NUTF2: variants seen among roughly 807,000 people sequenced by gnomAD.
NUTF2 encodes placental protein 15.
NUTF2 carries 3 observed loss-of-function variants against 18.5 expected under a neutral mutation model. The observed-to-expected ratio is 0.16, with a 90% CI of 0.07 to 0.42. The LOEUF (loss-of-function observed/expected upper bound fraction) is 0.42. Among genes scored for constraint, NUTF2 ranks in the 10% least tolerant of loss-of-function variants. NUTF2 has a pLI of 0.99. For synonymous variants in NUTF2, 51 were observed against 57.9 expected (o/e 0.88, Z 0.54); for missense variants, 44 against 160.7 (o/e 0.27, Z 3.93).
intron 1 of NUTF2, among the ~76,000 whole-genome samples, chr16:67,850,952 C>T (rs1172250494): frequency 6.6e-6 from 1 of 151,986 alleles, no homozygotes; most frequent in Non-Finnish European, 1.5e-5. Flanking sequence ...AGGTGCCCAC[C>T]ACCACACCCA....
In NUTF2 at chr16:67,871,038, T is replaced by C. The variant is rs1184930908; in HGVS notation, c.*125T>C. On this transcript the variant is annotated 3_prime_UTR_variant, in exon 5 of 5. Coordinates refer to ENST00000219169, the MANE Select transcript of NUTF2 (RefSeq NM_005796.3). ...AGGGCCGCGGTGGGAGTGGGCGCAG[T>C]GCGCTGCTGCCACTGAGGTGTTGTG... 6.0e-6 allele frequency: 4 copies of C among 666,996 alleles called. No homozygotes were observed. Among genetic ancestry groups the C allele is most frequent in the East Asian group, 2.7e-5 (1 of 36,628 alleles). The allele number at this position is 666,996 out of a possible 1,614,324, so 41.3% of individuals were successfully genotyped here.
chr16:67,857,748 G>A (rs918809073), intron 1 of NUTF2, among the ~76,000 whole-genome samples: 2 of 152,256 alleles, frequency 1.3e-5, no homozygotes, highest in Admixed American at 6.5e-5. Flanking sequence ...TTTAGCCACA[G>A]CTGTCTCTCA....
intron 1 of NUTF2, among the ~76,000 whole-genome samples, chr16:67,854,851 A>T (rs970163221): frequency 1.3e-5 from 2 of 152,076 alleles, no homozygotes; most frequent in African/African-American, 4.8e-5. Context: ...GGGAGGCAAG[A>T]GAATTGCTTG....
At chr16:67,868,086 C>T (rs2057986586) in intron 2 of NUTF2, among the ~76,000 whole-genome samples, 1 of 152,192 alleles carries the variant, frequency 6.6e-6, no homozygotes, top group Non-Finnish European at 1.5e-5. Context: ...ATATCAGAGA[C>T]CATATGACTT....
At chr16:67,859,703 C>G (rs1365547920) in intron 1 of NUTF2, among the ~76,000 whole-genome samples, 1 of 151,588 alleles carries the variant, frequency 6.6e-6, no homozygotes, top group African/African-American at 2.4e-5. Flanking sequence ...CATGTTGTGC[C>G]CAGGCTGGTC....
chr16:67,855,981 TG>T, intron 1 of NUTF2: 1 of 1,225,688 alleles, frequency 8.2e-7, no homozygotes, highest in Non-Finnish European at 1.2e-6. Flanking sequence ...TGCTTCTTGG[TG>T]CCAGCGGCCT....
At position 67,868,546 on chromosome 16, in the gene NUTF2, C is replaced by T; in HGVS notation, c.217C>T (p.His73Tyr). 6.2e-7 allele frequency: 1 copy of T among 1,614,064 alleles called. No homozygotes were observed. The change falls in exon 4 of 5, where the codon CAT becomes TAT. Residue 73 changes from histidine to tyrosine, a missense_variant. By Grantham distance (83) the His-to-Tyr change is moderately conservative. Coordinates refer to ENST00000219169, the MANE Select transcript of NUTF2 (RefSeq NM_005796.3). ...KIQHSITAQDHQPTPDSCIIS... is the reference protein window; with the variant it reads ...KIQHSITAQDYQPTPDSCIIS... Reference sequence around the variant, plus strand: ...TCAGCACAGCATCACCGCGCAGGACCATCAGCCCACTCCAGATAGCTGCAT... The same window carrying T: ...TCAGCACAGCATCACCGCGCAGGACTATCAGCCCACTCCAGATAGCTGCAT...
In NUTF2 at chr16:67,870,986, T is replaced by A; in HGVS notation, c.*73T>A. On this transcript the variant is annotated 3_prime_UTR_variant, in exon 5 of 5. Coordinates refer to ENST00000219169, the MANE Select transcript of NUTF2 (RefSeq NM_005796.3). Reference sequence around the variant, plus strand: ...CCAATACTATTCCCACTCCTCCAGATGCTCCAAATATCATGCACAAATGAG... The same window carrying A: ...CCAATACTATTCCCACTCCTCCAGAAGCTCCAAATATCATGCACAAATGAG... 1 of 1,135,036 alleles carries A rather than the reference T, an allele frequency of 8.8e-7. No individual in the cohort carries two copies. The highest frequency in any genetic ancestry group is 1.3e-6 in the Non-Finnish European group (1 of 750,324). 70.3% of individuals were successfully genotyped at this position (1,135,036 alleles called of 1,614,324 possible).
chr16:67,850,290 C>T (rs977727862), intron 1 of NUTF2, among the ~76,000 whole-genome samples: 6 of 151,364 alleles, frequency 4.0e-5, no homozygotes, highest in Admixed American at 1.3e-4. Flanking sequence ...CTGCAAGCTC[C>T]GCCTCCCGGG....
chr16:67,865,541 C>T (rs1371764672), intron 2 of NUTF2, among the ~76,000 whole-genome samples: 11 of 152,136 alleles, frequency 7.2e-5, no homozygotes, highest in Admixed American at 5.9e-4. Context: ...TCATGGTGCC[C>T]TCTGGAGGCA....
chr16:67,863,869 C>A (rs1567383632), intron 1 of NUTF2, among the ~76,000 whole-genome samples: 1 of 152,202 alleles, frequency 6.6e-6, no homozygotes, highest in Non-Finnish European at 1.5e-5. Flanking sequence ...GCGGCTCTCC[C>A]ATCTGGGGCT....
chr16:67,866,837 A>C (rs550791829), intron 2 of NUTF2, among the ~76,000 whole-genome samples: 6 of 152,214 alleles, frequency 3.9e-5, no homozygotes, highest in African/African-American at 1.4e-4. Context: ...CCAACTCCTG[A>C]CCTCAGGTGA....
chr16:67,868,218 G>T, intron 2 of NUTF2, 122 bp from the exon 3 acceptor site: 1 of 782,006 alleles, frequency 1.3e-6, no homozygotes, highest in Non-Finnish European at 2.1e-6. Context: ...TCCTTCTTTA[G>T]ACAGGGAAAC....
chr16:67,870,893 G>T lies in NUTF2; in HGVS notation c.364G>T (p.Ala122Ser). 1 of 1,613,662 alleles carries T rather than the reference G, an allele frequency of 6.2e-7. No homozygotes were observed. Among genetic ancestry groups the T allele is most frequent in the Admixed American group, 1.7e-5 (1 of 60,010 alleles). ...WVCTNDMFRL[A>S]LHNFG is the part of the protein sequence containing the mutation. ...TTGCACCAATGACATGTTCAGGCTC[G>T]CCCTGCACAACTTTGGCTGACCTCC... The change falls in exon 5 of 5, where the codon GCC becomes TCC. Residue 122 changes from alanine (A) to serine (S), a missense_variant. Ala to Ser is a moderately conservative substitution (Grantham distance 99, BLOSUM62 1). Transcript: ENST00000219169.
intron 1 of NUTF2, among the ~76,000 whole-genome samples, chr16:67,848,310 C>T (rs1327646412): frequency 1.3e-5 from 2 of 152,134 alleles, no homozygotes; most frequent in East Asian, 3.8e-4. Flanking sequence ...AGGCCTGGCG[C>T]GGTGGCTCAC....
chr16:67,861,942 G>A (rs1474279788), intron 1 of NUTF2, among the ~76,000 whole-genome samples: 1 of 152,056 alleles, frequency 6.6e-6, no homozygotes, highest in Non-Finnish European at 1.5e-5. Context: ...GTTGCCTCCC[G>A]TGGGAAGGGT....
rs1342489897 is a variant in NUTF2, at chr16:67,870,948, C to G, written c.*35C>G. ...AGCTAGGCACTCACGCTGTTTCCTC[C>G]TCCCTCCTCTTCCCAATACTATTCC... On this transcript the variant is annotated 3_prime_UTR_variant, in exon 5 of 5. Coordinates refer to ENST00000219169, the MANE Select transcript of NUTF2 (RefSeq NM_005796.3). 1 of 1,427,788 alleles carries G rather than the reference C, an allele frequency of 7.0e-7. No homozygotes were observed. The highest frequency in any genetic ancestry group is 2.3e-5 in the East Asian group (1 of 43,982). 88.4% of individuals were successfully genotyped at this position (1,427,788 alleles called of 1,614,324 possible).
At chr16:67,855,766 C>T (rs1273670595) in intron 1 of NUTF2, among the ~76,000 whole-genome samples, 1 of 151,544 alleles carries the variant, frequency 6.6e-6, no homozygotes, top group African/African-American at 2.4e-5. Flanking sequence ...AGGTGTAAAG[C>T]TGCTTTGACC....
intron 1 of NUTF2, among the ~76,000 whole-genome samples, chr16:67,848,745 A>G (rs1218382020): frequency 6.6e-6 from 1 of 151,680 alleles, no homozygotes. Flanking sequence ...CTGTCTCAAA[A>G]AAAAAGAAAA....
Sources: gnomAD v4.1 joint callset for allele counts (sites outside exome capture counted in the v4.1 genomes callset) on GRCh38, gnomAD v4.1.1 for gene constraint, MANE v1.5 for transcripts, NCBI Gene and HGNC (gene_info 2026-07-23, HGNC 2026-07-21) for gene names.